Variants in TPST2 observed in about 807,000 individuals in gnomAD.
The protein encoded by TPST2 is tyrosylprotein sulfotransferase 2.
In TPST2, 16 loss-of-function variants were observed where a neutral mutation model predicts 27.8. That is an observed-to-expected ratio of 0.58 (90% CI 0.39 to 0.88). The LOEUF is 0.88. TPST2 is among the 40% of genes least tolerant of loss of function. The pLI is 0.00. For missense variants in TPST2, 464 were observed against 543.1 expected, an observed-to-expected ratio of 0.85 and a Z score of 1.45; for synonymous variants, 229 against 231.7, an observed-to-expected ratio of 0.99 and a Z score of 0.10.
chr22:26,549,697 A>T (rs180747442), intron 1 of TPST2, among the ~76,000 whole-genome samples: 69 of 150,436 alleles, frequency 4.6e-4, no homozygotes, highest in Middle Eastern at 3.4e-3. Context: ...AAGAAAAAAA[A>T]AATAATCAGA....
intron 1 of TPST2, among the ~76,000 whole-genome samples, chr22:26,577,563 A>C (rs571441841): frequency 1.9e-4 from 28 of 149,174 alleles, no homozygotes; most frequent in Admixed American, 1.5e-3. Context: ...GTTAGCCAGG[A>C]TGGTCTCGAA....
At chr22:26,578,538 GC>G (rs2147238734) in intron 1 of TPST2, among the ~76,000 whole-genome samples, 1 of 152,260 alleles carries the variant, frequency 6.6e-6, no homozygotes, top group Admixed American at 6.5e-5. Context: ...TGGGGACTAT[GC>G]CTGGGGACCC....
intron 1 of TPST2, chr22:26,550,623 CG>C (rs1236225983): frequency 1.0e-6 from 1 of 985,518 alleles, no homozygotes; most frequent in East Asian, 1.1e-4. Flanking sequence ...CCAGTGCCCA[CG>C]TGCTCAGGCT....
chr22:26,543,891 A>T (rs140270508), intron 2 of TPST2, among the ~76,000 whole-genome samples: 44 of 152,320 alleles, frequency 2.9e-4, no homozygotes, highest in African/African-American at 1.0e-3. Flanking sequence ...CACAAAGCAG[A>T]AAGTAGCTTC....
intron 1 of TPST2, chr22:26,565,696 C>A (rs769628264): frequency 6.6e-6 from 1 of 152,166 alleles, no homozygotes; most frequent in Non-Finnish European, 1.5e-5. Flanking sequence ...TTCAAATTCT[C>A]AGTTTTCCAG....
intron 1 of TPST2, among the ~76,000 whole-genome samples, chr22:26,550,029 G>A (rs1340902493): frequency 7.3e-6 from 1 of 136,112 alleles, no homozygotes; most frequent in Admixed American, 7.5e-5. Context: ...GATGGAGCAA[G>A]ACTCCATCTC....
intron 1 of TPST2, among the ~76,000 whole-genome samples, chr22:26,572,246 T>G (rs2267095): frequency 0.45 from 68,065 of 151,952 alleles, 16,091 homozygotes; most frequent in East Asian, 0.74. Flanking sequence ...TCTAGGTCAA[T>G]GAAACTCAAC....
intron 6 of TPST2, among the ~76,000 whole-genome samples, chr22:26,527,650 G>A (rs1474926292): frequency 6.6e-6 from 1 of 152,242 alleles, no homozygotes; most frequent in Admixed American, 6.5e-5. Flanking sequence ...CCTTGGGCAA[G>A]TCAAAGCCCT....
Position 26,524,133 on chromosome 22 carries a change from AAAGT to A in TPST2, c.*2138_*2141del, listed in dbSNP as rs1326078355. The stretch of plus-strand genomic sequence containing the variant: ...TGTGTGTCAAACATTTAAAAAATAA[AAAGT>A]AACTGCTGAAGAAATGAACAAAAAG... On this transcript the variant is annotated 3_prime_UTR_variant, in exon 7 of 7. Transcript: ENST00000338754. 6.6e-6 allele frequency: 1 copy of A among 152,202 alleles called. No homozygotes were observed. The highest frequency in any genetic ancestry group is 2.4e-5 in the African/African-American group (1 of 41,460). The allele number at this position is 152,202 out of a possible 1,614,324, so 9.4% of individuals were successfully genotyped here.
intron 1 of TPST2, chr22:26,555,111 G>A: frequency 1.9e-6 from 1 of 525,532 alleles, no homozygotes; most frequent in Non-Finnish European, 3.8e-6. Context: ...AAGAGGCAAG[G>A]TGGAGCTGAG....
In TPST2 at chr22:26,541,061, G is replaced by GT; in HGVS notation, c.569dup (p.His190GlnfsTer14). On this transcript the variant is annotated frameshift_variant, in exon 3 of 7. Transcript: ENST00000338754. LOFTEE classifies it high-confidence loss of function. This position sits in a 1 kb window ranked among gnomAD's most constrained non-coding sequence, Gnocchi z 5.9. ...TGGTGACTTTGCGCGTGATCATGGAGTGCACGGAGGCCCGGCCGTCCCGCA... is the reference window on the plus strand; with the variant it reads ...TGGTGACTTTGCGCGTGATCATGGAGTTGCACGGAGGCCCGGCCGTCCCGCA... 5.0e-6 allele frequency: 8 copies of GT among 1,612,810 alleles called. No homozygotes were observed. The highest frequency in any genetic ancestry group is 6.8e-6 in the Non-Finnish European group (8 of 1,179,170).
At position 26,541,723 on chromosome 22, in the gene TPST2, G is replaced by C. The variant is rs1177671493; in HGVS notation, c.-88-5C>G. 2 of 1,456,930 alleles carry C rather than the reference G, an allele frequency of 1.4e-6. No individual in the cohort carries two copies. The highest frequency in any genetic ancestry group is 2.8e-5 in the African/African-American group (2 of 70,378). The allele number at this position is 1,456,930 out of a possible 1,614,324, so 90.3% of individuals were successfully genotyped here. A position where few individuals can be genotyped will look rare whatever the true frequency, so the allele number is the denominator to read the frequency against. ...GGCAGCCCGCCAGGCTCACATCTGG[G>C]GAGAGAGGGGGACATGCATAGTCAG... On this transcript the variant is annotated splice_region_variant and splice_polypyrimidine_tract_variant and intron_variant, in intron 2 of 6. Transcript: ENST00000338754. The surrounding 1 kb of genome is among the most constrained non-coding windows in gnomAD (Gnocchi z 5.9).
chr22:26,541,568 C>T lies in TPST2; in HGVS notation c.63G>A (p.Ala21=), dbSNP rs772038196. The T allele has an allele frequency of 1.9e-6, 3 of 1,609,100 alleles. No individual in the cohort carries two copies. Among genetic ancestry groups the T allele is most frequent in the African/African-American group, 1.3e-5 (1 of 74,888 alleles). The change falls in exon 3 of 7, where the codon GCG becomes GCA. Residue 21 remains alanine (A), a synonymous_variant. Coordinates refer to ENST00000338754, the MANE Select transcript of TPST2 (RefSeq NM_003595.5). This position sits in a 1 kb window ranked among gnomAD's most constrained non-coding sequence, Gnocchi z 5.9. ...AAGCALVLVL[A]VQLGQQVLEC... The stretch of plus-strand genomic sequence containing the variant: ...CTAGCACCTGCTGTCCCAGCTGAAC[C>T]GCCAGCACCAGGACCAGGGCGCAGC...
chr22:26,586,364 C>T (rs1048149241), intron 1 of TPST2, among the ~76,000 whole-genome samples: 3 of 152,188 alleles, frequency 2.0e-5, no homozygotes, highest in African/African-American at 7.2e-5. Context: ...ATCCTTCCAC[C>T]TCAGCCTCCC....
At chr22:26,581,550 A>C (rs1928112808) in intron 1 of TPST2, among the ~76,000 whole-genome samples, 1 of 152,328 alleles carries the variant, frequency 6.6e-6, no homozygotes, top group South Asian at 2.1e-4. Context: ...TCCAATAAGA[A>C]TCAGTCAACT....
At chr22:26,576,967 A>G (rs538234402) in intron 1 of TPST2, among the ~76,000 whole-genome samples, 19 of 151,948 alleles carry the variant, frequency 1.3e-4, no homozygotes, top group South Asian at 4.2e-4. Context: ...GTGGTGGCAG[A>G]TGCCTGTAGT....
rs111523793 is a variant in TPST2, at chr22:26,552,638, C to T, written c.-160-7963G>A. 5.5e-3 allele frequency among the ~76,000 whole-genome samples: 844 copies of T among 152,256 alleles called. 9 individuals carry two copies. Among genetic ancestry groups the T allele is most frequent in the African/African-American group, 0.019 (791 of 41,558 alleles). Reference sequence around the variant, plus strand: ...CCACTGCGAGTTTGCAACTGTAATGCAAACAACCAAGATGACACATACATG... The same window carrying T: ...CCACTGCGAGTTTGCAACTGTAATGTAAACAACCAAGATGACACATACATG... On this transcript the variant is annotated intron_variant, in intron 1 of 6. Transcript: ENST00000338754.
intron 1 of TPST2, among the ~76,000 whole-genome samples, chr22:26,573,626 A>G (rs941760054): frequency 2.0e-5 from 3 of 152,252 alleles, no homozygotes; most frequent in African/African-American, 2.4e-5. Flanking sequence ...TTGACCAAGA[A>G]CAAAGCAAGC....
In TPST2 at chr22:26,541,036, T is replaced by C. The variant is rs761996174; in HGVS notation, c.595A>G (p.Ile199Val). 1.2e-5 allele frequency: 20 copies of C among 1,613,948 alleles called. No homozygotes were observed. Among genetic ancestry groups the C allele is most frequent in the Admixed American group, 5.0e-5 (3 of 60,008 alleles). Residue 199 changes from isoleucine to valine, a missense_variant, in exon 3 of 7, where the codon ATT (isoleucine) becomes GTT (valine). Transcript: ENST00000338754. The surrounding 1 kb of genome is among the most constrained non-coding windows in gnomAD (Gnocchi z 5.9). Reference protein sequence around the residue: ...VHSMITRKVTIAGFDLSSYRD... With the variant: ...VHSMITRKVTVAGFDLSSYRD... ...TAGCTGCTGAGGTCAAAGCCCGCAA[T>C]GGTGACTTTGCGCGTGATCATGGAG...
Sources: gnomAD v4.1 joint callset for allele counts (sites outside exome capture counted in the v4.1 genomes callset) on GRCh38, gnomAD v4.1.1 for gene constraint, Gnocchi (gnomAD v3.1) non-coding constraint, MANE v1.5 for transcripts, NCBI Gene and HGNC (gene_info 2026-07-23, HGNC 2026-07-21) for gene names.